The following ANK2 variants were observed in gnomAD, a reference collection of about 807,000 sequenced individuals.
The protein encoded by ANK2 is ankyrin 2.
ANK2 carries 83 observed loss-of-function variants against 360.5 expected under a neutral mutation model. The observed-to-expected ratio is 0.23, with a 90% CI of 0.19 to 0.28. The LOEUF (loss-of-function observed/expected upper bound fraction) is 0.28. Ranked by LOEUF, ANK2 falls within the 10% of genes least tolerant of loss-of-function variation. ANK2 has a pLI of 1.00. For missense variants in ANK2, 4,201 were observed against 4,795.7 expected, an observed-to-expected ratio of 0.88 and a Z score of 3.66; for synonymous variants, 1,740 against 1,759.5, an observed-to-expected ratio of 0.99 and a Z score of 0.28.
At chr4:113,204,683 G>A (rs1478591145) in intron 4 of ANK2, among the ~76,000 whole-genome samples, 1 of 152,100 alleles carries the variant, frequency 6.6e-6, no homozygotes, top group East Asian at 1.9e-4. Context: ...CATTGGTACG[G>A]ACACCTTCCT....
At chr4:113,322,923 G>A (rs1223599452) in intron 26 of ANK2, among the ~76,000 whole-genome samples, 4 of 152,060 alleles carry the variant, frequency 2.6e-5, no homozygotes, top group Admixed American at 2.6e-4. Flanking sequence ...TTAGATACGT[G>A]AAGGTAAATT....
At chr4:113,145,756 A>G in intron 1 of ANK2, 1 of 1,209,282 alleles carries the variant, frequency 8.3e-7, no homozygotes, top group Non-Finnish European at 1.1e-6. Flanking sequence ...AACTGAGCAG[A>G]GGAGCCAAGG....
the ANK2 span, among the ~76,000 whole-genome samples, chr4:112,800,715 C>T: frequency 3.0e-4 from 46 of 152,208 alleles, no homozygotes; most frequent in South Asian, 1.9e-3. Flanking sequence ...GGAGTGCAGG[C>T]GCAATCTTGG....
intron 32 of ANK2, among the ~76,000 whole-genome samples, chr4:113,339,777 C>T (rs1031100886): frequency 1.2e-4 from 19 of 152,190 alleles, no homozygotes; most frequent in East Asian, 9.6e-4. Context: ...ATCTTTAAAA[C>T]GATGAAGCTA....
intron 1 of ANK2, among the ~76,000 whole-genome samples, chr4:112,887,230 G>T (rs2078674867): frequency 6.6e-6 from 1 of 152,120 alleles, no homozygotes; most frequent in Admixed American, 6.5e-5. Context: ...ATGTACAGAT[G>T]GTCCCCAACT....
intron 1 of ANK2, among the ~76,000 whole-genome samples, chr4:112,838,110 G>A (rs193140341): frequency 2.9e-4 from 44 of 152,274 alleles, no homozygotes; most frequent in African/African-American, 9.1e-4. Context: ...ATGGTGGGAG[G>A]TGGATCATGG....
chr4:113,107,500 A>G lies in ANK2; in HGVS notation c.84+57688A>G, dbSNP rs1326743676. On this transcript the variant is annotated intron_variant, in intron 1 of 45. Transcript: ENST00000357077. Reference sequence around the variant, plus strand: ...CCAAAGTGCTGGGATTATAGGCATGAGCCACCGCGCCCAGCCAGTGTTGGA... The same window carrying G: ...CCAAAGTGCTGGGATTATAGGCATGGGCCACCGCGCCCAGCCAGTGTTGGA... Among the ~76,000 whole-genome samples, 3 of 152,196 alleles carry G rather than the reference A, an allele frequency of 2.0e-5. No homozygotes were observed. In the East Asian group the frequency reaches 5.8e-4, roughly 29 times the overall value.
chr4:112,999,011 C>G (rs1274501100), intron 2 of ANK2, among the ~76,000 whole-genome samples: 1 of 152,038 alleles, frequency 6.6e-6, no homozygotes, highest in Non-Finnish European at 1.5e-5. Context: ...CAAGAATAAC[C>G]TTGTCTCCAT....
At chr4:113,134,260 C>G (rs1301374613) in intron 1 of ANK2, among the ~76,000 whole-genome samples, 1 of 143,022 alleles carries the variant, frequency 7.0e-6, no homozygotes, top group African/African-American at 2.6e-5. Flanking sequence ...GGAAGTAGCT[C>G]TAAAATTTCC....
At chr4:113,092,991 AT>A (rs2089289007) in intron 1 of ANK2, among the ~76,000 whole-genome samples, 1 of 152,190 alleles carries the variant, frequency 6.6e-6, no homozygotes, top group African/African-American at 2.4e-5. Context: ...TGGAATGGGA[AT>A]TACACAGACT....
chr4:113,263,736 C>G (rs993438478), intron 13 of ANK2, among the ~76,000 whole-genome samples: 4 of 152,170 alleles, frequency 2.6e-5, no homozygotes, highest in Non-Finnish European at 5.9e-5. Flanking sequence ...TTGAAATCAT[C>G]CTTATCTTCT....
chr4:112,836,607 G>GAGGT (rs2061042354), intron 1 of ANK2, among the ~76,000 whole-genome samples: 1 of 152,214 alleles, frequency 6.6e-6, no homozygotes, highest in African/African-American at 2.4e-5. Context: ...AGTCCAGGCT[G>GAGGT]AGGTGGTCTC....
intron 20 of ANK2, 38 bp downstream of exon 20, chr4:113,288,524 A>G (rs2065880223): frequency 6.4e-7 from 1 of 1,565,626 alleles, no homozygotes; most frequent in African/African-American, 1.4e-5. Context: ...CCTATAAGCA[A>G]AAAGGTTCAG....
chr4:112,985,027 C>T (rs1258864106), intron 2 of ANK2, among the ~76,000 whole-genome samples: 4 of 152,154 alleles, frequency 2.6e-5, no homozygotes, highest in Non-Finnish European at 4.4e-5. Flanking sequence ...AGTCCGTCAT[C>T]TAGGTTTTAC....
At chr4:113,029,429 G>T (rs2059941304) in intron 2 of ANK2, among the ~76,000 whole-genome samples, 1 of 151,922 alleles carries the variant, frequency 6.6e-6, no homozygotes, top group Non-Finnish European at 1.5e-5. Context: ...ATTTTTTGTA[G>T]AGATGGGGTC....
intron 24 of ANK2, among the ~76,000 whole-genome samples, chr4:113,313,316 A>G (rs1290970362): frequency 6.6e-6 from 1 of 152,226 alleles, no homozygotes; most frequent in Non-Finnish European, 1.5e-5. Context: ...CTCCCTTATT[A>G]AGAATAAGTA....
chr4:113,113,175 G>A (rs534912697), intron 1 of ANK2, among the ~76,000 whole-genome samples: 1 of 126,828 alleles, frequency 7.9e-6, no homozygotes, highest in South Asian at 2.7e-4. Context: ...TAGTTCAAGT[G>A]AGCACATTCT....
intron 2 of ANK2, among the ~76,000 whole-genome samples, chr4:112,915,272 G>C (rs1457220440): frequency 6.6e-6 from 1 of 152,066 alleles, no homozygotes; most frequent in Non-Finnish European, 1.5e-5. Context: ...CAAATGTACT[G>C]GGATAGACAG....
intron 1 of ANK2, among the ~76,000 whole-genome samples, chr4:113,138,789 T>C (rs1406212800): frequency 6.6e-6 from 1 of 152,156 alleles, no homozygotes; most frequent in Non-Finnish European, 1.5e-5. Flanking sequence ...CCCAAAAAAG[T>C]TTATGAAGGG....
Sources: allele counts gnomAD v4.1 joint callset (sites outside exome capture counted in the v4.1 genomes callset), GRCh38; gene constraint gnomAD v4.1.1; transcripts MANE v1.5; gene names NCBI Gene and HGNC (gene_info 2026-07-23, HGNC 2026-07-21).